PFDN2: variants seen among roughly 807,000 people sequenced by gnomAD.
PFDN2 encodes the protein prefoldin subunit 2, also known as prefoldin 2.
In PFDN2, 7 loss-of-function variants were observed where a neutral mutation model predicts 18.3. The observed-to-expected ratio is 0.38, with a 90% confidence interval of 0.22 to 0.72. The LOEUF is 0.72. Ranked by LOEUF, PFDN2 falls within the 30% of genes least tolerant of loss-of-function variation. PFDN2 has a pLI of 0.47. For missense variants in PFDN2, 181 were observed against 199.1 expected (o/e 0.91, Z 0.55); for synonymous variants, 76 against 75.0 (o/e 1.01, Z -0.07).
intron 1 of PFDN2, among the ~76,000 whole-genome samples, chr1:161,104,802 C>T (rs4656289): frequency 0.087 from 13,198 of 152,174 alleles, 607 homozygotes; most frequent in South Asian, 0.13. Context: ...TGACCTGCAC[C>T]ACCCTTATGT....
At position 161,100,599 on chromosome 1, in the gene PFDN2, A is replaced by G. The variant is rs887128799; in HGVS notation, c.*84T>C. 20 of 1,005,136 alleles carry G rather than the reference A, an allele frequency of 2.0e-5. 1 individual carries two copies. Among genetic ancestry groups the G allele is most frequent in the Non-Finnish European group, 2.7e-5 (19 of 703,014 alleles). The allele number at this position is 1,005,136 out of a possible 1,614,324, so 62.3% of individuals were successfully genotyped here. A position where few individuals can be genotyped will look rare whatever the true frequency, so the allele number is the denominator to read the frequency against. Reference sequence around the variant, plus strand: ...ATTTAATTAACAAAAAAATATTACAATAGCAGAGAAAATAATAATAATAAC... The same window carrying G: ...ATTTAATTAACAAAAAAATATTACAGTAGCAGAGAAAATAATAATAATAAC... On this transcript the variant is annotated 3_prime_UTR_variant, in exon 4 of 4. Transcript: ENST00000368010.
chr1:161,109,375 CA>C (rs1179216224), intron 1 of PFDN2, among the ~76,000 whole-genome samples: 1 of 152,194 alleles, frequency 6.6e-6, no homozygotes, highest in East Asian at 1.9e-4. Flanking sequence ...TATAAAAATG[CA>C]TATTAGTTAC....
intron 1 of PFDN2, among the ~76,000 whole-genome samples, chr1:161,114,922 T>C (rs1654877438): frequency 6.6e-6 from 1 of 152,230 alleles, no homozygotes; most frequent in African/African-American, 2.4e-5. Flanking sequence ...TCTTTATTGT[T>C]TGGTTTGTCT....
Position 161,100,727 on chromosome 1 carries a change from C to G in PFDN2, c.421G>C (p.Gly141Arg), listed in dbSNP as rs1654535894. 6.2e-7 allele frequency: 1 copy of G among 1,614,182 alleles called. No homozygotes were observed. Among genetic ancestry groups the G allele is most frequent in the Admixed American group, 1.7e-5 (1 of 60,028 alleles). The stretch of plus-strand genomic sequence containing the variant: ...GCTGAGCTGGCCTTAGCCCCAGCCC[C>G]TTCTGAGTTTTCCTTGGCTGCTGGC... ...EKPAAKENSEGAGAKASSAGV... is the reference protein window; with the variant it reads ...EKPAAKENSERAGAKASSAGV... The change falls in exon 4 of 4, where the codon GGG (glycine) becomes CGG (arginine). Residue 141 changes from glycine to arginine, a missense_variant. By Grantham distance (125) the Gly-to-Arg change is moderately radical. Coordinates refer to ENST00000368010, the MANE Select transcript of PFDN2 (RefSeq NM_012394.4).
Position 161,118,012 on chromosome 1 carries a change from G to T in PFDN2, c.15C>A (p.Ser5Arg), listed in dbSNP as rs375266818. 6.2e-7 allele frequency: 1 copy of T among 1,611,744 alleles called. No individual in the cohort carries two copies. Among genetic ancestry groups the T allele is most frequent in the African/African-American group, 1.3e-5 (1 of 74,846 alleles). Residue 5 changes from serine (S) to arginine (R), a missense_variant, in exon 1 of 4, where the codon AGC becomes AGA. Ser to Arg is a moderately radical substitution (Grantham distance 110). Transcript: ENST00000368010. ...TCCCGCTGCTCTTGCCGGCGCGACC[G>T]CTGTTCTCCGCCATCTTCGCCGCCT... MAEN[S>R]GRAGKSSGSG...
chr1:161,109,120 G>A (rs535843455), intron 1 of PFDN2, among the ~76,000 whole-genome samples: 33 of 152,242 alleles, frequency 2.2e-4, no homozygotes, highest in Non-Finnish European at 4.0e-4. Context: ...CCAATCAGTT[G>A]TTCCCTCCAC....
intron 1 of PFDN2, 50 bp from the exon 2 acceptor site, chr1:161,102,425 G>A (rs1654587148): frequency 5.6e-6 from 8 of 1,424,132 alleles, no homozygotes; most frequent in South Asian, 1.1e-5. Context: ...AAATGGCAGA[G>A]GGTCCAGATA....
intron 1 of PFDN2, among the ~76,000 whole-genome samples, chr1:161,110,488 C>A (rs1304551182): frequency 6.6e-6 from 1 of 152,110 alleles, no homozygotes; most frequent in East Asian, 1.9e-4. Flanking sequence ...CTTATCAAAG[C>A]AAATTTATAT....
chr1:161,108,936 T>C (rs1654744031), intron 1 of PFDN2, among the ~76,000 whole-genome samples: 1 of 152,200 alleles, frequency 6.6e-6, no homozygotes, highest in African/African-American at 2.4e-5. Context: ...CCTCCTGATT[T>C]CTATACTGCC....
At chr1:161,102,446 T>C in intron 1 of PFDN2, 71 bp from the exon 2 acceptor site, 1 of 1,215,218 alleles carries the variant, frequency 8.2e-7, no homozygotes, top group East Asian at 2.3e-5. Context: ...GCACATAGGG[T>C]GGCAGGCTTT....
chr1:161,110,429 C>T (rs533349839), intron 1 of PFDN2, among the ~76,000 whole-genome samples: 3 of 152,198 alleles, frequency 2.0e-5, no homozygotes, highest in African/African-American at 4.8e-5. Context: ...TGTCTTAACT[C>T]TAAAAATCTC....
intron 1 of PFDN2, among the ~76,000 whole-genome samples, chr1:161,112,161 A>G (rs1490071672): frequency 1.3e-5 from 2 of 152,202 alleles, no homozygotes; most frequent in African/African-American, 4.8e-5. Flanking sequence ...TTCTTTTCTG[A>G]TGTTTCTTCA....
At chr1:161,110,442 TTAATA>T (rs1287846549) in intron 1 of PFDN2, among the ~76,000 whole-genome samples, 1 of 152,224 alleles carries the variant, frequency 6.6e-6, no homozygotes, top group African/African-American at 2.4e-5. Context: ...AAAATCTCTG[TTAATA>T]TATTATTCCT....
chr1:161,110,285 T>C (rs946001041), intron 1 of PFDN2, among the ~76,000 whole-genome samples: 17 of 151,776 alleles, frequency 1.1e-4, no homozygotes, highest in African/African-American at 4.1e-4. Context: ...TGCTTGCACC[T>C]GGGAGGCGGG....
intron 1 of PFDN2, among the ~76,000 whole-genome samples, chr1:161,102,615 T>G (rs529158256): frequency 1.9e-4 from 29 of 152,268 alleles, no homozygotes; most frequent in African/African-American, 7.0e-4. Flanking sequence ...CAGAATAGAT[T>G]TGGCCTCTGG....
Position 161,102,179 on chromosome 1 carries a change from A to G in PFDN2, c.165-8T>C, listed in dbSNP as rs569198037. On this transcript the variant is annotated splice_region_variant and splice_polypyrimidine_tract_variant and intron_variant, in intron 2 of 3. Coordinates refer to ENST00000368010, the MANE Select transcript of PFDN2 (RefSeq NM_012394.4). Reference sequence around the variant, plus strand: ...AGTGTATCGATCACTAGGCTGGGATAGGAGAACAAGGCAGGACCTGAGGAT... The same window carrying G: ...AGTGTATCGATCACTAGGCTGGGATGGGAGAACAAGGCAGGACCTGAGGAT... The G allele has an allele frequency of 3.7e-6, 6 of 1,614,180 alleles. No homozygotes were observed. The Admixed American group carries it at 1.0e-4, about 27-fold the overall frequency.
At chr1:161,117,373 C>G (rs1654980328) in intron 1 of PFDN2, among the ~76,000 whole-genome samples, 1 of 152,234 alleles carries the variant, frequency 6.6e-6, no homozygotes, top group Non-Finnish European at 1.5e-5. Context: ...ACTTATCAAA[C>G]GCTTCCCGAT....
At chr1:161,102,512 C>T (rs942737541) in intron 1 of PFDN2, 137 bp from the exon 2 acceptor site, 9 of 626,370 alleles carry the variant, frequency 1.4e-5, no homozygotes, top group African/African-American at 5.5e-5. Flanking sequence ...CACAAGTTTG[C>T]GATTTCTACC....
At chr1:161,109,339 A>G (rs537494064) in intron 1 of PFDN2, among the ~76,000 whole-genome samples, 1 of 152,308 alleles carries the variant, frequency 6.6e-6, no homozygotes, top group South Asian at 2.1e-4. Flanking sequence ...TTCCATTCCC[A>G]TATGTTAACC....
Sources: allele counts gnomAD v4.1 joint callset (sites outside exome capture counted in the v4.1 genomes callset), GRCh38; gene constraint gnomAD v4.1.1; transcripts MANE v1.5; gene names NCBI Gene and HGNC (gene_info 2026-07-23, HGNC 2026-07-21).